The following COL6A2 variants were observed in gnomAD, a reference collection of about 807,000 sequenced individuals.
The protein encoded by COL6A2 is collagen type VI alpha 2 chain, also known as collagen alpha-2(VI) chain.
COL6A2 carries 90 observed loss-of-function variants against 124.9 expected under a neutral mutation model. The ratio of observed to expected loss-of-function variants is 0.72; its 90% confidence interval spans 0.61 to 0.86. The LOEUF is 0.86. Among genes scored for constraint, COL6A2 ranks in the 40% least tolerant of loss-of-function variants. The pLI, the probability that COL6A2 is intolerant of heterozygous loss-of-function variation, is 0.00. For synonymous variants in COL6A2, 793 were observed against 618.2 expected, an observed-to-expected ratio of 1.28 and a Z score of -4.19; for missense variants, 1,607 against 1,502.5, an observed-to-expected ratio of 1.07 and a Z score of -1.15.
chr21:46,131,942 G>A lies in COL6A2; in HGVS notation c.2462-12G>A, dbSNP rs369839157. Reference sequence around the variant, plus strand: ...TCCCCTCCGCCCAGCCCGCACCTGCGTCTCCCCACAGAGCTGTCCGTGGCA... The same window carrying A: ...TCCCCTCCGCCCAGCCCGCACCTGCATCTCCCCACAGAGCTGTCCGTGGCA... On this transcript the variant is annotated splice_polypyrimidine_tract_variant and intron_variant, in intron 27 of 27. Coordinates refer to ENST00000300527, the MANE Select transcript of COL6A2 (RefSeq NM_001849.4). 365 of 1,587,834 alleles carry A rather than the reference G, an allele frequency of 2.3e-4. No individual in the cohort carries two copies. The highest frequency in any genetic ancestry group is 1.4e-3 in the African/African-American group (107 of 74,330).
At chr21:46,098,745 C>G (rs1257453981) in intron 1 of COL6A2, 3 of 151,794 alleles carry the variant, frequency 2.0e-5, no homozygotes, top group African/African-American at 7.3e-5. Context: ...GCGCCCCTCC[C>G]GGCCTGGAGC....
intron 23 of COL6A2, 67 bp from the exon 24 acceptor site, chr21:46,125,199 A>T (rs1317876045): frequency 2.7e-6 from 4 of 1,471,054 alleles, no homozygotes; most frequent in Non-Finnish European, 3.8e-6. Flanking sequence ...CCCCCAGGCC[A>T]GGACCTTGCT....
At chr21:46,131,821 A>G in intron 27 of COL6A2, 133 bp from the exon 28 acceptor site, 1 of 847,638 alleles carries the variant, frequency 1.2e-6, no homozygotes, top group South Asian at 1.6e-5. Flanking sequence ...CCCTGCAGAA[A>G]CGCCCCCGCA....
Position 46,116,898 on chromosome 21 carries a change from T to TGGG in COL6A2, c.999+85_999+86insGGG. On this transcript the variant is annotated intron_variant, in intron 10 of 27. Coordinates refer to ENST00000300527, the MANE Select transcript of COL6A2 (RefSeq NM_001849.4). This position sits in a 1 kb window ranked among gnomAD's most constrained non-coding sequence, Gnocchi z 4.6. ...CAGGGCCCCCAGATCCAGCCTGATC[T>TGGG]GTCAGCTTACACATGTGTACACACG... 2.1e-6 allele frequency: 3 copies of TGGG among 1,406,930 alleles called. No homozygotes were observed. The highest frequency in any genetic ancestry group is 3.0e-6 in the Non-Finnish European group (3 of 997,858). The allele number at this position is 1,406,930 out of a possible 1,614,324, so 87.2% of individuals were successfully genotyped here. A position where few individuals can be genotyped will look rare whatever the true frequency, so the allele number is the denominator to read the frequency against.
intron 1 of COL6A2, among the ~76,000 whole-genome samples, chr21:46,108,270 G>T (rs187322959): frequency 1.1e-4 from 17 of 152,234 alleles, no homozygotes; most frequent in Admixed American, 5.9e-4. Context: ...GGTAGCGTAA[G>T]ATCTGCACTG....
Position 46,132,480 on chromosome 21 carries a change from G to C in COL6A2, c.2988G>C (p.Val996=). 6.2e-7 allele frequency: 1 copy of C among 1,607,044 alleles called. No individual in the cohort carries two copies. The highest frequency in any genetic ancestry group is 1.1e-5 in the South Asian group (1 of 90,990). ...TTLSLGDRAA[V]FHEKDYDSLA... ...TCAGCCTGGGTGACCGCGCCGCCGTGTTCCACGAGAAGGACTATGACAGCC... is the reference window on the plus strand; with the variant it reads ...TCAGCCTGGGTGACCGCGCCGCCGTCTTCCACGAGAAGGACTATGACAGCC... The change falls in exon 28 of 28, where the codon GTG becomes GTC. Residue 996 remains valine (V), a synonymous_variant. Transcript: ENST00000300527.
At chr21:46,125,360 G>C (rs2078644661) in intron 24 of COL6A2, 49 bp downstream of exon 24, 1 of 1,604,880 alleles carries the variant, frequency 6.2e-7, no homozygotes, top group Admixed American at 1.7e-5. Flanking sequence ...CGGGTGGAGG[G>C]CGGGAGTGCA....
intron 27 of COL6A2, chr21:46,128,804 G>A: frequency 1.0e-6 from 1 of 989,138 alleles, no homozygotes. Flanking sequence ...ACCACCGCAA[G>A]CTTTCTCAGG....
At position 46,132,551 on chromosome 21, in the gene COL6A2, A is replaced by G; in HGVS notation, c.3059A>G (p.Ter1020TrpextTer85). 1 of 1,596,086 alleles carries G rather than the reference A, an allele frequency of 6.3e-7. No homozygotes were observed. Among genetic ancestry groups the G allele is most frequent in the Non-Finnish European group, 8.5e-7 (1 of 1,175,994 alleles). ...GACCGCTTCATCCGCTGGATCTGCT[A>G]GCGCCGCCGCCCGGGCCCCGCAGTC... The part of the protein sequence containing the change: ...FFDRFIRWIC[*>W] The change falls in exon 28 of 28, where the codon TAG becomes TGG. Residue 1020 changes from the stop codon to tryptophan (W), a stop_lost. Transcript: ENST00000300527.
At chr21:46,122,307 G>T in intron 19 of COL6A2, 149 bp downstream of exon 19, 1 of 1,211,326 alleles carries the variant, frequency 8.3e-7, no homozygotes, top group South Asian at 1.3e-5. Flanking sequence ...AGAAGGCTTC[G>T]GGTGACTCAG....
Position 46,132,436 on chromosome 21 carries a change from ATGGACG to A in COL6A2, c.2947_2952del (p.Asp983_Val984del). Reference sequence around the variant, plus strand: ...GCTGGCCTTGGGCAGCGACGTGGACATGGACGTGCTCACCACGCTCAGCCTGGGTGA... The same window carrying A: ...GCTGGCCTTGGGCAGCGACGTGGACATGCTCACCACGCTCAGCCTGGGTGA... On this transcript the variant is annotated inframe_deletion, in exon 28 of 28. Coordinates refer to ENST00000300527, the MANE Select transcript of COL6A2 (RefSeq NM_001849.4). 1 of 1,606,812 alleles carries A rather than the reference ATGGACG, an allele frequency of 6.2e-7. No homozygotes were observed. The highest frequency in any genetic ancestry group is 1.1e-5 in the South Asian group (1 of 91,026).
At position 46,120,454 on chromosome 21, in the gene COL6A2, C is replaced by T; in HGVS notation, c.1333-61C>T. 5 of 1,403,322 alleles carry T rather than the reference C, an allele frequency of 3.6e-6. No homozygotes were observed. In the South Asian group the frequency reaches 6.2e-5, roughly 17 times the overall value. 86.9% of individuals were successfully genotyped at this position (1,403,322 alleles called of 1,614,324 possible). A position where few individuals can be genotyped will look rare whatever the true frequency, so the allele number is the denominator to read the frequency against. On this transcript the variant is annotated intron_variant, in intron 15 of 27. Coordinates refer to ENST00000300527, the MANE Select transcript of COL6A2 (RefSeq NM_001849.4). ...AACCCCCGGCCACACCCGCCTCTCACATGGGACCCAGGCCGGAGGCCTCAG... is the reference window on the plus strand; with the variant it reads ...AACCCCCGGCCACACCCGCCTCTCATATGGGACCCAGGCCGGAGGCCTCAG...
chr21:46,120,607 G>C, intron 16 of COL6A2, 30 bp downstream of exon 16: 1 of 1,448,260 alleles, frequency 6.9e-7, no homozygotes, highest in Non-Finnish European at 9.1e-7. Flanking sequence ...CGCACCCCAA[G>C]GTAGGGGATC....
chr21:46,131,836 C>T (rs1601265967), intron 27 of COL6A2, 118 bp from the exon 28 acceptor site: 1 of 972,596 alleles, frequency 1.0e-6, no homozygotes, highest in East Asian at 2.6e-5. Flanking sequence ...CCCGCAGAGC[C>T]CAGTGGTCTG....
In COL6A2 at chr21:46,125,563, A is replaced by G. The variant is rs937465620; in HGVS notation, c.1915A>G (p.Ile639Val). ...TNFTLEKNFV[I>V]NVVNRLGAIA... ...CTTCACACTGGAGAAGAACTTCGTC[A>G]TCAACGTGGTCAACAGGCTGGGTGC... The change falls in exon 25 of 28, where the codon ATC becomes GTC. Residue 639 changes from isoleucine (I) to valine (V), a missense_variant. Physicochemically the swap from Ile to Val is conservative, Grantham distance 29 (BLOSUM62 3). Coordinates refer to ENST00000300527, the MANE Select transcript of COL6A2 (RefSeq NM_001849.4). The G allele has an allele frequency of 1.2e-6, 2 of 1,612,910 alleles. No individual in the cohort carries two copies. The highest frequency in any genetic ancestry group is 1.7e-6 in the Non-Finnish European group (2 of 1,179,968).
intron 21 of COL6A2, among the ~76,000 whole-genome samples, chr21:46,123,765 GGGAT>G (rs2078607208): frequency 1.5e-5 from 2 of 132,082 alleles, no homozygotes; most frequent in South Asian, 2.4e-4. Context: ...GATGAGTGGG[GGGAT>G]GGATGGGTGA....
Position 46,125,491 on chromosome 21 carries a change from G to A in COL6A2, c.1843G>A (p.Asp615Asn). 2 of 1,613,014 alleles carry A rather than the reference G, an allele frequency of 1.2e-6. No individual in the cohort carries two copies. Among genetic ancestry groups the A allele is most frequent in the Non-Finnish European group, 1.7e-6 (2 of 1,179,984 alleles). Residue 615 changes from aspartate to asparagine, a missense_variant, in exon 25 of 28, where the codon GAC becomes AAC. By Grantham distance (23) the Asp-to-Asn change is conservative (BLOSUM62 1). Around this residue, in one of 3 missense-constraint regions of COL6A2, gnomAD observed 1,223 missense variants for 1,052.2 expected, o/e 1.16. Transcript: ENST00000300527. The part of the protein sequence containing the change: ...CDCEKRCGAL[D>N]VVFVIDSSES... ...CTGTGAGAAGCGCTGTGGCGCCCTG[G>A]ACGTGGTCTTCGTCATCGACAGCTC...
At chr21:46,129,873 T>TTTG in intron 27 of COL6A2, 12 of 1,028,844 alleles carry the variant, frequency 1.2e-5, no homozygotes, top group African/African-American at 1.7e-5. Flanking sequence ...TGTGGAAGTC[T>TTTG]TTGGAGGCCC....
In COL6A2 at chr21:46,114,063, G is replaced by A. The variant is rs148029276; in HGVS notation, c.791G>A (p.Arg264His). ...GGGCCCTCTGGCCCCAAGGGCTACC[G>A]TGGACAGAAGGTAAGATGCCCAGAT... is the stretch of plus-strand genomic sequence containing the variant. ...IPGPSGPKGY[R>H]GQKGAKGNMG... The change falls in exon 5 of 28, where the codon CGT (arginine) becomes CAT (histidine). Residue 264 changes from arginine (R) to histidine (H), a missense_variant. By Grantham distance (29) the Arg-to-His change is conservative. Transcript: ENST00000300527. The A allele has an allele frequency of 5.7e-4, 917 of 1,613,370 alleles. 3 individuals are homozygous for A. The highest frequency in any genetic ancestry group is 6.8e-4 in the Non-Finnish European group (805 of 1,179,642).
Sources: allele counts gnomAD v4.1 joint callset (sites outside exome capture counted in the v4.1 genomes callset), GRCh38; gene constraint gnomAD v4.1.1; regional missense constraint gnomAD v4.1.1; non-coding constraint Gnocchi (gnomAD v3.1); transcripts MANE v1.5; gene names NCBI Gene and HGNC (gene_info 2026-07-23, HGNC 2026-07-21).